Variants in TMEM164 observed in about 807,000 individuals in gnomAD.
The protein encoded by TMEM164 is RP13-360B22.2.
Under a neutral mutation model 18.8 loss-of-function variants are expected in TMEM164, and 4 were observed. That is an observed-to-expected ratio of 0.21 (90% CI 0.10 to 0.49). The LOEUF is 0.49. Among genes scored for constraint, TMEM164 ranks in the 20% least tolerant of loss-of-function variants. TMEM164 has a pLI of 0.98. For missense variants in TMEM164, 108 were observed against 239.9 expected, an observed-to-expected ratio of 0.45 and a Z score of 3.63; for synonymous variants, 86 against 101.7, an observed-to-expected ratio of 0.85 and a Z score of 0.93.
intron 3 of TMEM164, among the ~76,000 whole-genome samples, chrX:110,093,900 T>G (rs1010711249): frequency 8.9e-6 from 1 of 111,943 alleles, no homozygotes; most frequent in Non-Finnish European, 1.9e-5. Flanking sequence ...TTGTTCTCAT[T>G]GGTTTCAAAG....
chrX:110,033,600 A>G (rs1934619408), intron 2 of TMEM164, among the ~76,000 whole-genome samples: 1 of 111,545 alleles, frequency 9.0e-6, no homozygotes, highest in Admixed American at 9.5e-5. Context: ...GCTTTCTCTT[A>G]GAAAGATAGC....
intron 3 of TMEM164, among the ~76,000 whole-genome samples, chrX:110,095,553 C>T (rs1387825279): frequency 8.9e-6 from 1 of 111,858 alleles, no homozygotes; most frequent in Non-Finnish European, 1.9e-5. Flanking sequence ...GTCTTCTCTA[C>T]ACTGTTTATT....
chrX:110,060,328 G>A (rs764002409), intron 2 of TMEM164, among the ~76,000 whole-genome samples: 2 of 109,163 alleles, frequency 1.8e-5, no homozygotes, highest in South Asian at 8.1e-4. Context: ...AGGATTTGGG[G>A]ACTGAATACA....
At chrX:110,111,966 A>G (rs1602645324) in intron 4 of TMEM164, among the ~76,000 whole-genome samples, 1 of 111,148 alleles carries the variant, frequency 9.0e-6, no homozygotes, top group South Asian at 3.8e-4. Flanking sequence ...CCAGCTACTC[A>G]GGAGGCTGAG....
chrX:110,055,184 T>A lies in TMEM164; in HGVS notation c.391-12163T>A, dbSNP rs1445269956. 66 of 299,197 alleles carry A rather than the reference T, an allele frequency of 2.2e-4. 1 individual carries two copies. In the East Asian group the frequency reaches 2.6e-3, roughly 12 times the overall value. The allele number at this position is 299,197 out of a possible 1,213,427, so 24.7% of individuals were successfully genotyped here. Reference sequence around the variant, plus strand: ...CCATGCAAATGCTGTTTGTGTGCTATGGCCATGCTATTCTCTTGAATTTCT... The same window carrying A: ...CCATGCAAATGCTGTTTGTGTGCTAAGGCCATGCTATTCTCTTGAATTTCT... On this transcript the variant is annotated intron_variant, in intron 2 of 6. Coordinates refer to ENST00000372068, the MANE Select transcript of TMEM164 (RefSeq NM_032227.4).
intron 2 of TMEM164, among the ~76,000 whole-genome samples, chrX:110,022,423 T>C (rs1455627135): frequency 9.0e-6 from 1 of 111,616 alleles, no homozygotes; most frequent in African/African-American, 3.3e-5. Context: ...CTCTGAATCA[T>C]ACAGCTTGTA....
intron 3 of TMEM164, among the ~76,000 whole-genome samples, chrX:110,090,728 C>T (rs1322307546): frequency 2.7e-5 from 3 of 111,401 alleles, no homozygotes. Context: ...TTTTATTATA[C>T]TTTAAGTTCT....
chrX:110,071,888 A>G (rs890824925), intron 3 of TMEM164, among the ~76,000 whole-genome samples: 3 of 110,359 alleles, frequency 2.7e-5, no homozygotes, highest in African/African-American at 9.9e-5. Flanking sequence ...GCTACAGAGC[A>G]AGACTCCATC....
In TMEM164 at chrX:110,105,731, C is replaced by CAG. The variant is rs745823538; in HGVS notation, c.441-3333_441-3332dup. On this transcript the variant is annotated intron_variant, in intron 3 of 6. Transcript: ENST00000372068. ...ACACACACACACACAGACACACACA[C>CAG]AGAGAGAGAGAGAGAGAATGAGAGA... Among the ~76,000 whole-genome samples, 6 of 86,717 alleles carry CAG rather than the reference C, an allele frequency of 6.9e-5. No homozygotes were observed. In the East Asian group the frequency reaches 1.1e-3, roughly 16 times the overall value. 75.3% of individuals were successfully genotyped at this position (86,717 alleles called of 115,157 possible).
At chrX:110,047,578 A>G (rs1370947271) in intron 2 of TMEM164, among the ~76,000 whole-genome samples, 1 of 112,052 alleles carries the variant, frequency 8.9e-6, no homozygotes. Flanking sequence ...AATCAAAATG[A>G]GGATATTGTG....
At chrX:110,023,795 G>A (rs1234782960) in intron 2 of TMEM164, among the ~76,000 whole-genome samples, 1 of 111,549 alleles carries the variant, frequency 9.0e-6, no homozygotes, top group Non-Finnish European at 1.9e-5. Context: ...GGCTAATGGA[G>A]CCTAACATGA....
chrX:110,054,030 T>C (rs1935700463), intron 2 of TMEM164, among the ~76,000 whole-genome samples: 1 of 111,818 alleles, frequency 8.9e-6, no homozygotes. Flanking sequence ...AATTATCTTA[T>C]GGTGGAGACA....
chrX:110,099,346 G>A (rs1326193970), intron 3 of TMEM164, among the ~76,000 whole-genome samples: 1 of 109,915 alleles, frequency 9.1e-6, no homozygotes, highest in Non-Finnish European at 1.9e-5. Flanking sequence ...TTGCTTAACT[G>A]AAGATCACAG....
intron 3 of TMEM164, among the ~76,000 whole-genome samples, chrX:110,070,053 C>T (rs955808733): frequency 7.2e-5 from 8 of 111,800 alleles, no homozygotes; most frequent in African/African-American, 1.3e-4. Flanking sequence ...CGGTGGCTCA[C>T]GCCTGTAATC....
At chrX:110,164,313 G>A (rs1054628326) in intron 5 of TMEM164, among the ~76,000 whole-genome samples, 7 of 111,373 alleles carry the variant, frequency 6.3e-5, no homozygotes, top group African/African-American at 2.3e-4. Flanking sequence ...AGAATCATGG[G>A]CCATGGAATT....
At chrX:110,067,825 A>G (rs1208567015) in intron 3 of TMEM164, among the ~76,000 whole-genome samples, 1 of 112,582 alleles carries the variant, frequency 8.9e-6, no homozygotes, top group African/African-American at 3.2e-5. Flanking sequence ...CTAAAGTGCA[A>G]ATTAAAGTGA....
At chrX:110,002,992 G>A (rs773163618), upstream of TMEM164, 1 of 110,979 alleles carries the variant, frequency 9.0e-6, no homozygotes, top group South Asian at 3.8e-4. Context: ...GGCTGGGGGT[G>A]GTGCTGCCCG....
intron 2 of TMEM164, among the ~76,000 whole-genome samples, chrX:110,026,019 G>C (rs181499373): frequency 8.9e-6 from 1 of 112,492 alleles, no homozygotes; most frequent in East Asian, 2.8e-4. Context: ...AAGTTATTTA[G>C]AGAATTATGT....
At chrX:110,075,729 G>A (rs1425370912) in intron 3 of TMEM164, among the ~76,000 whole-genome samples, 1 of 112,110 alleles carries the variant, frequency 8.9e-6, no homozygotes, top group East Asian at 2.8e-4. Flanking sequence ...TATGGTCCTT[G>A]TTTTAAATTC....
Sources: allele counts gnomAD v4.1 joint callset (sites outside exome capture counted in the v4.1 genomes callset), GRCh38; gene constraint gnomAD v4.1.1; transcripts MANE v1.5; gene names NCBI Gene and HGNC (gene_info 2026-07-23, HGNC 2026-07-21).